Variants in NRCAM observed in about 807,000 individuals in gnomAD.
The protein encoded by NRCAM is neuronal cell adhesion molecule.
NRCAM carries 83 observed loss-of-function variants against 156.5 expected under a neutral mutation model. The ratio of observed to expected loss-of-function variants is 0.53; its 90% confidence interval spans 0.44 to 0.64. The LOEUF is 0.64. NRCAM is among the 30% of genes least tolerant of loss of function. The pLI is 0.00. For missense variants in NRCAM, 1,417 were observed against 1,597.3 expected (o/e 0.89, Z 1.92); for synonymous variants, 538 against 563.9 (o/e 0.95, Z 0.65).
At chr7:108,452,494 G>A (rs959746906) in intron 1 of NRCAM, among the ~76,000 whole-genome samples, 16 of 152,140 alleles carry the variant, frequency 1.1e-4, no homozygotes, top group Non-Finnish European at 1.6e-4. Flanking sequence ...GCAGTAAAAT[G>A]TTTAAGTAAA....
In NRCAM at chr7:108,176,715, T is replaced by C. The variant is rs1305167124; in HGVS notation, c.2975-109A>G. Reference sequence around the variant, plus strand: ...TGTTCAACCTGGCTTACATTGACTTTTATAATCCCACTCACTCTTTCCCCA... The same window carrying C: ...TGTTCAACCTGGCTTACATTGACTTCTATAATCCCACTCACTCTTTCCCCA... On this transcript the variant is annotated intron_variant, in intron 26 of 32. Transcript: ENST00000379028. 3.8e-6 allele frequency: 3 copies of C among 786,800 alleles called. No homozygotes were observed. The Admixed American group carries it at 8.5e-5, about 22-fold the overall frequency. The allele number at this position is 786,800 out of a possible 1,614,324, so 48.7% of individuals were successfully genotyped here.
intron 32 of NRCAM, among the ~76,000 whole-genome samples, chr7:108,151,709 T>C (rs1437180021): frequency 1.3e-5 from 2 of 152,220 alleles, no homozygotes; most frequent in African/African-American, 4.8e-5. Context: ...TCAGAGGACA[T>C]AGCATTGAGT....
At chr7:108,336,085 T>C (rs2099186427) in intron 2 of NRCAM, among the ~76,000 whole-genome samples, 2 of 152,214 alleles carry the variant, frequency 1.3e-5, no homozygotes, top group African/African-American at 4.8e-5. Context: ...CCCTGCTTCA[T>C]TCAAGTGACC....
At chr7:108,351,925 A>G (rs1250538172) in intron 2 of NRCAM, among the ~76,000 whole-genome samples, 1 of 152,212 alleles carries the variant, frequency 6.6e-6, no homozygotes, top group Non-Finnish European at 1.5e-5. Context: ...AGGCTACTAA[A>G]AGACAATCTC....
intron 11 of NRCAM, among the ~76,000 whole-genome samples, chr7:108,219,101 A>C (rs1018118976): frequency 6.6e-6 from 1 of 152,178 alleles, no homozygotes; most frequent in Non-Finnish European, 1.5e-5. Flanking sequence ...ATAAACTAGA[A>C]AACCTAAAAG....
At chr7:108,253,554 A>G (rs2153931946) in intron 3 of NRCAM, among the ~76,000 whole-genome samples, 1 of 152,310 alleles carries the variant, frequency 6.6e-6, no homozygotes, top group Non-Finnish European at 1.5e-5. Context: ...TGCCCGTTGT[A>G]AGGGGGCATA....
At chr7:108,361,866 A>G (rs982235975) in intron 2 of NRCAM, among the ~76,000 whole-genome samples, 1 of 147,498 alleles carries the variant, frequency 6.8e-6, no homozygotes, top group South Asian at 2.2e-4. Flanking sequence ...TATGTATTAT[A>G]TACGTATATA....
intron 13 of NRCAM, among the ~76,000 whole-genome samples, chr7:108,200,832 A>G (rs990747862): frequency 3.9e-5 from 6 of 151,996 alleles, no homozygotes; most frequent in African/African-American, 1.5e-4. Flanking sequence ...AATGGCATTC[A>G]CAGCAACCTA....
chr7:108,189,581 G>T, intron 20 of NRCAM, 64 bp downstream of exon 20: 1 of 756,620 alleles, frequency 1.3e-6, no homozygotes, highest in South Asian at 1.5e-5. Flanking sequence ...TCAGCTGACT[G>T]TTACAAAGTG....
At chr7:108,351,141 T>G (rs2099409548) in intron 2 of NRCAM, among the ~76,000 whole-genome samples, 1 of 152,144 alleles carries the variant, frequency 6.6e-6, no homozygotes. Flanking sequence ...GTGACTAGAT[T>G]AGTGATATTA....
intron 30 of NRCAM, among the ~76,000 whole-genome samples, chr7:108,162,314 T>C (rs2049620312): frequency 1.3e-5 from 2 of 152,136 alleles, no homozygotes; most frequent in Non-Finnish European, 2.9e-5. Context: ...GGCAAAAAGG[T>C]ATTAAAAGTC....
Position 108,184,509 on chromosome 7 carries a change from T to TA in NRCAM, c.2140dup (p.Tyr714LeufsTer24). On this transcript the variant is annotated frameshift_variant, in exon 21 of 33. Transcript: ENST00000379028. LOFTEE classifies it high-confidence loss of function. Reference sequence around the variant, plus strand: ...CATCACGCGGAAGGAGTAGTTCACGTAAGGAGACAGCTTCAGCTGGGCTGT... The same window carrying TA: ...CATCACGCGGAAGGAGTAGTTCACGTAAAGGAGACAGCTTCAGCTGGGCTGT... 3.7e-6 allele frequency: 6 copies of TA among 1,614,162 alleles called. No individual in the cohort carries two copies. The highest frequency in any genetic ancestry group is 5.1e-6 in the Non-Finnish European group (6 of 1,180,038).
rs543399081 is a variant in NRCAM at position 108,209,710 on chromosome 7, T to C, written c.891-105A>G. The C allele has an allele frequency of 3.7e-5, 29 of 779,988 alleles. No homozygotes were observed. The Admixed American group carries it at 6.5e-4, about 18-fold the overall frequency. 48.3% of individuals were successfully genotyped at this position (779,988 alleles called of 1,614,324 possible). A position where few individuals can be genotyped will look rare whatever the true frequency, so the allele number is the denominator to read the frequency against. ...TTTGTAACAAATCTTTATTAAAAAA[T>C]CATAAGAAATACATAGATATTTTAA... On this transcript the variant is annotated intron_variant, in intron 11 of 32. Coordinates refer to ENST00000379028, the MANE Select transcript of NRCAM (RefSeq NM_001037132.4).
chr7:108,269,152 C>T (rs994060785), intron 3 of NRCAM, among the ~76,000 whole-genome samples: 7 of 147,774 alleles, frequency 4.7e-5, no homozygotes, highest in Admixed American at 2.7e-4. Context: ...ATCATGTCTT[C>T]GTGCTGTATT....
intron 5 of NRCAM, among the ~76,000 whole-genome samples, chr7:108,236,977 C>G (rs73414375): frequency 2.6e-5 from 4 of 152,274 alleles, no homozygotes; most frequent in African/African-American, 9.6e-5. Flanking sequence ...TCCTAACTGC[C>G]AGGAGTTTAC....
intron 2 of NRCAM, among the ~76,000 whole-genome samples, chr7:108,352,915 A>T (rs1167212028): frequency 6.6e-6 from 1 of 152,144 alleles, no homozygotes; most frequent in Non-Finnish European, 1.5e-5. Flanking sequence ...TCATCAGTAA[A>T]TCTCATTGAT....
intron 2 of NRCAM, among the ~76,000 whole-genome samples, chr7:108,362,581 A>G (rs941870460): frequency 2.6e-5 from 4 of 152,220 alleles, no homozygotes; most frequent in African/African-American, 9.6e-5. Context: ...AGAAACTCCT[A>G]TACATATATA....
At chr7:108,397,591 A>G (rs2099780614) in intron 2 of NRCAM, among the ~76,000 whole-genome samples, 1 of 152,188 alleles carries the variant, frequency 6.6e-6, no homozygotes, top group Admixed American at 6.5e-5. Flanking sequence ...CCACTGAAGA[A>G]TGCAAGAAAG....
At chr7:108,359,950 A>G (rs2099537500) in intron 2 of NRCAM, among the ~76,000 whole-genome samples, 1 of 152,226 alleles carries the variant, frequency 6.6e-6, no homozygotes, top group South Asian at 2.1e-4. Context: ...CTTCATAACA[A>G]TGCTATCATA....
Sources: gnomAD v4.1 joint callset for allele counts (sites outside exome capture counted in the v4.1 genomes callset) on GRCh38, gnomAD v4.1.1 for gene constraint, MANE v1.5 for transcripts, NCBI Gene and HGNC (gene_info 2026-07-23, HGNC 2026-07-21) for gene names.